Variants in PLPP4 observed in about 807,000 individuals in gnomAD.
PLPP4 encodes phospholipid phosphatase 4, also known as diacylglycerol pyrophosphate like 2.
In PLPP4, 20 loss-of-function variants were observed where a neutral mutation model predicts 32.2. That is an observed-to-expected ratio of 0.62 (90% CI 0.44 to 0.90). The LOEUF (loss-of-function observed/expected upper bound fraction) is 0.90, where lower values mean the gene tolerates loss of function less well. PLPP4 is among the 40% of genes least tolerant of loss of function. The pLI is 0.00. For missense variants in PLPP4, 257 were observed against 353.1 expected, an observed-to-expected ratio of 0.73 and a Z score of 2.18; for synonymous variants, 127 against 133.0, an observed-to-expected ratio of 0.95 and a Z score of 0.31.
At chr10:120,503,661 T>C (rs1240539660) in intron 1 of PLPP4, 157 bp from the exon 2 acceptor site, 2 of 1,595,760 alleles carry the variant, frequency 1.3e-6, no homozygotes, top group Non-Finnish European at 1.7e-6. Flanking sequence ...TCCCAAGCCT[T>C]TGAACCAGCT....
upstream of PLPP4, chr10:120,457,085 C>T (rs1847809162): frequency 4.7e-6 from 1 of 211,806 alleles, no homozygotes; most frequent in Non-Finnish European, 9.2e-6. Flanking sequence ...CGCAGTATCG[C>T]CAGCGGCCGG....
chr10:120,496,860 TGAGAGAGAGAGAGAGAGAAAGGAATAGG>T (rs1483895499), intron 1 of PLPP4, among the ~76,000 whole-genome samples: 1 of 144,268 alleles, frequency 6.9e-6, no homozygotes, highest in Non-Finnish European at 1.5e-5. Context: ...AGCATGGGAG[TGAGAGAGAGAGAGAGAGAAAGGAATAGG>T]GAGAGAGAGA....
Position 120,524,331 on chromosome 10 carries a change from C to T in PLPP4, c.445+3236C>T, listed in dbSNP as rs148101350. ...CCTCAGAGGGGGTGACCTAAGTGGA[C>T]TCCCATTTTGATATAAACACTCTTT... is the stretch of plus-strand genomic sequence containing the variant. On this transcript the variant is annotated intron_variant, in intron 5 of 6. Transcript: ENST00000398250. 7.0e-3 allele frequency among the ~76,000 whole-genome samples: 1,073 copies of T among 152,212 alleles called. 7 individuals carry two copies. The highest frequency in any genetic ancestry group is 0.012 in the Non-Finnish European group (831 of 68,004).
At chr10:120,504,993 C>CT (rs1845429294) in intron 2 of PLPP4, among the ~76,000 whole-genome samples, 1 of 152,246 alleles carries the variant, frequency 6.6e-6, no homozygotes, top group South Asian at 2.1e-4. Flanking sequence ...CCCTCAATGC[C>CT]ACATGGCAAT....
At chr10:120,479,076 A>C (rs1844072050) in intron 1 of PLPP4, among the ~76,000 whole-genome samples, 2 of 152,132 alleles carry the variant, frequency 1.3e-5, no homozygotes, top group Admixed American at 6.5e-5. Context: ...AATACAAAAA[A>C]TTAGCCGGGC....
At chr10:120,580,965 G>A (rs1202479629) in intron 6 of PLPP4, 4 of 1,289,148 alleles carry the variant, frequency 3.1e-6, no homozygotes, top group African/African-American at 3.0e-5. Context: ...GCCTCTGTCT[G>A]GGAACCTCTG....
chr10:120,527,193 T>G (rs1396379955), intron 5 of PLPP4, among the ~76,000 whole-genome samples: 1 of 152,170 alleles, frequency 6.6e-6, no homozygotes, highest in African/African-American at 2.4e-5. Flanking sequence ...GGGAATTGGT[T>G]CATGAAATTG....
In PLPP4 at chr10:120,467,288, C is replaced by T. The variant is rs1446944649; in HGVS notation, c.56+9927C>T. Among the ~76,000 whole-genome samples the T allele has an allele frequency of 4.7e-5, 3 of 63,388 alleles. 1 individual carries two copies. The highest frequency in any genetic ancestry group is 1.0e-4 in the African/African-American group (3 of 29,682). The allele number at this position is 63,388 out of a possible 152,430, so 41.6% of individuals were successfully genotyped here. A position where few individuals can be genotyped will look rare whatever the true frequency, so the allele number is the denominator to read the frequency against. Reference sequence around the variant, plus strand: ...TTTTTTTTAAGTAGAGATGGGGTTTCACCATGTTAGCCAGCATGGTCTCAA... The same window carrying T: ...TTTTTTTTAAGTAGAGATGGGGTTTTACCATGTTAGCCAGCATGGTCTCAA... On this transcript the variant is annotated intron_variant, in intron 1 of 6. Transcript: ENST00000398250.
intron 5 of PLPP4, among the ~76,000 whole-genome samples, chr10:120,565,075 C>A (rs990392425): frequency 2.6e-5 from 4 of 152,128 alleles, no homozygotes; most frequent in African/African-American, 4.8e-5. Flanking sequence ...TCCTTCTGAG[C>A]AATGTAAGAA....
At chr10:120,512,732 G>A (rs983779365) in intron 2 of PLPP4, among the ~76,000 whole-genome samples, 3 of 152,190 alleles carry the variant, frequency 2.0e-5, no homozygotes, top group African/African-American at 7.2e-5. Flanking sequence ...AGAATTGCTT[G>A]AACCCGGGAG....
chr10:120,547,690 C>G (rs545422000), intron 5 of PLPP4, among the ~76,000 whole-genome samples: 1 of 152,128 alleles, frequency 6.6e-6, no homozygotes, highest in Admixed American at 6.5e-5. Context: ...AGGCACCATA[C>G]CTTTCCAAAG....
At chr10:120,515,653 G>T (rs1589802153) in intron 3 of PLPP4, among the ~76,000 whole-genome samples, 1 of 152,324 alleles carries the variant, frequency 6.6e-6, no homozygotes, top group East Asian at 1.9e-4. Context: ...CTCAGCTGAG[G>T]TGGAAAAAGG....
intron 1 of PLPP4, among the ~76,000 whole-genome samples, chr10:120,503,109 G>A (rs1458436977): frequency 1.3e-5 from 2 of 152,196 alleles, no homozygotes; most frequent in African/African-American, 4.8e-5. Context: ...CATGGCCAGG[G>A]CCGCCATTTT....
At chr10:120,469,350 C>T (rs1051405578) in intron 1 of PLPP4, among the ~76,000 whole-genome samples, 5 of 151,640 alleles carry the variant, frequency 3.3e-5, no homozygotes, top group African/African-American at 1.2e-4. Flanking sequence ...GCCTCAGCCT[C>T]CCAGGTAGCT....
intron 5 of PLPP4, among the ~76,000 whole-genome samples, chr10:120,570,736 G>C (rs1047174259): frequency 6.6e-6 from 1 of 152,138 alleles, no homozygotes. Flanking sequence ...GGTTGCTGGA[G>C]AGAAGAATTA....
At chr10:120,518,762 G>C (rs1340120674) in intron 3 of PLPP4, 71 bp from the exon 4 acceptor site, 16 of 1,165,814 alleles carry the variant, frequency 1.4e-5, no homozygotes, top group Non-Finnish European at 2.1e-5. Flanking sequence ...TGATGATGAT[G>C]ATAATGATGA....
chr10:120,471,067 T>C (rs1240275747), intron 1 of PLPP4, among the ~76,000 whole-genome samples: 2 of 152,254 alleles, frequency 1.3e-5, no homozygotes, highest in Non-Finnish European at 2.9e-5. Context: ...GCTGTAAATT[T>C]ACATAGCTTG....
intron 6 of PLPP4, among the ~76,000 whole-genome samples, chr10:120,585,279 T>G (rs1281605837): frequency 1.3e-5 from 2 of 152,234 alleles, no homozygotes; most frequent in East Asian, 1.9e-4. Context: ...TCACGTTAAT[T>G]ACACCCTGTG....
chr10:120,487,172 G>A (rs570670313), intron 1 of PLPP4, among the ~76,000 whole-genome samples: 1 of 152,352 alleles, frequency 6.6e-6, no homozygotes, highest in South Asian at 2.1e-4. Flanking sequence ...ACAACTGCAG[G>A]TTCCAGAGAA....
Sources: gnomAD v4.1 joint callset for allele counts (sites outside exome capture counted in the v4.1 genomes callset) on GRCh38, gnomAD v4.1.1 for gene constraint, MANE v1.5 for transcripts, NCBI Gene and HGNC (gene_info 2026-07-23, HGNC 2026-07-21) for gene names.